Variants in GABRG3 observed in about 807,000 individuals in gnomAD.
GABRG3 encodes the protein gamma-aminobutyric acid type A receptor subunit gamma3.
A neutral mutation model predicts 48.8 loss-of-function variants in GABRG3; 25 were observed. The ratio of observed to expected loss-of-function variants is 0.51; its 90% CI spans 0.37 to 0.72. The LOEUF (loss-of-function observed/expected upper bound fraction) is 0.72. Ranked by LOEUF, GABRG3 falls within the 30% of genes least tolerant of loss-of-function variation. The probability of loss-of-function intolerance (pLI) is 0.00; values close to 1 mark genes in which losing one functional copy is unlikely to be tolerated. For missense variants in GABRG3, 394 were observed against 577.9 expected (o/e 0.68, Z 3.26); for synonymous variants, 227 against 217.6 (o/e 1.04, Z -0.38).
intron 5 of GABRG3, among the ~76,000 whole-genome samples, chr15:27,398,147 T>C (rs1887371787): frequency 6.6e-6 from 1 of 152,152 alleles, no homozygotes; most frequent in Non-Finnish European, 1.5e-5. Flanking sequence ...TTTATAAATG[T>C]GGGTCAAAGA....
At chr15:27,304,420 A>T (rs1892322111) in intron 3 of GABRG3, among the ~76,000 whole-genome samples, 1 of 151,986 alleles carries the variant, frequency 6.6e-6, no homozygotes, top group South Asian at 2.1e-4. Flanking sequence ...AAAAAAATCA[A>T]TTTATTATCT....
chr15:27,334,655 T>C (rs1454374406), intron 5 of GABRG3, among the ~76,000 whole-genome samples: 1 of 152,212 alleles, frequency 6.6e-6, no homozygotes, highest in Admixed American at 6.5e-5. Context: ...ATCATTACTC[T>C]ATCAAACAAC....
At chr15:27,191,204 A>C (rs1278739080) in intron 3 of GABRG3, among the ~76,000 whole-genome samples, 1 of 152,068 alleles carries the variant, frequency 6.6e-6, no homozygotes, top group Non-Finnish European at 1.5e-5. Flanking sequence ...TATTCTGTTG[A>C]TTTGGGGTGG....
At chr15:27,101,439 T>A (rs74006579) in intron 3 of GABRG3, among the ~76,000 whole-genome samples, 3,453 of 152,248 alleles carry the variant, frequency 0.023, 140 homozygotes, top group African/African-American at 0.08. Flanking sequence ...ACAAGCTTAT[T>A]TGAAAATTTT....
At chr15:27,197,416 T>G (rs1407329782) in intron 3 of GABRG3, among the ~76,000 whole-genome samples, 1 of 152,080 alleles carries the variant, frequency 6.6e-6, no homozygotes, top group African/African-American at 2.4e-5. Flanking sequence ...TTGAGAATAC[T>G]AATGGCACTC....
intron 5 of GABRG3, among the ~76,000 whole-genome samples, chr15:27,467,343 TG>T (rs527418676): frequency 1.3e-5 from 2 of 152,154 alleles, no homozygotes; most frequent in African/African-American, 4.8e-5. Context: ...TATGAATTTG[TG>T]GGGGGGACAC....
chr15:27,315,223 A>C (rs1400238425), intron 3 of GABRG3, among the ~76,000 whole-genome samples: 3 of 152,210 alleles, frequency 2.0e-5, no homozygotes, highest in Admixed American at 2.0e-4. Flanking sequence ...CAACATCTCT[A>C]AGTGATAACA....
chr15:27,497,263 ATACT>A (rs760358614), intron 6 of GABRG3, among the ~76,000 whole-genome samples: 10 of 152,190 alleles, frequency 6.6e-5, no homozygotes, highest in Non-Finnish European at 1.3e-4. Context: ...TCCTGATATA[ATACT>A]TCCTTCCTCT....
At chr15:27,269,170 C>T (rs1358539292) in intron 3 of GABRG3, among the ~76,000 whole-genome samples, 12 of 152,192 alleles carry the variant, frequency 7.9e-5, no homozygotes. Flanking sequence ...TGCCCCCTAA[C>T]CAATCTGTCA....
chr15:27,302,615 C>G (rs1892250597), intron 3 of GABRG3, among the ~76,000 whole-genome samples: 1 of 151,964 alleles, frequency 6.6e-6, no homozygotes, highest in South Asian at 2.1e-4. Context: ...ATAGAAAAAT[C>G]AGTCAGTGCC....
intron 5 of GABRG3, among the ~76,000 whole-genome samples, chr15:27,354,273 G>A (rs1894758979): frequency 6.6e-6 from 1 of 152,180 alleles, no homozygotes; most frequent in Non-Finnish European, 1.5e-5. Flanking sequence ...TATCACCATG[G>A]GAATGCTGCA....
intron 5 of GABRG3, among the ~76,000 whole-genome samples, chr15:27,386,866 A>T (rs1895938744): frequency 6.6e-6 from 1 of 152,232 alleles, no homozygotes; most frequent in African/African-American, 2.4e-5. Context: ...CTGCCACCAT[A>T]GATCACTTTG....
rs1434567411 is a variant in GABRG3 at position 27,537,558 on chromosome 15, G to T, written c.*4677G>T. ...TGACTTATGTTTTATTATAAAAATA[G>T]ATCTCTATCATTATAGGGATAAAAC... On this transcript the variant is annotated 3_prime_UTR_variant, in exon 10 of 10. Transcript: ENST00000615808. The T allele has an allele frequency of 6.6e-6, 1 of 152,138 alleles. No homozygotes were observed. The highest frequency in any genetic ancestry group is 1.9e-4 in the East Asian group (1 of 5,192). 9.4% of individuals were successfully genotyped at this position (152,138 alleles called of 1,614,324 possible).
chr15:27,068,243 A>G (rs1896771387), intron 3 of GABRG3, among the ~76,000 whole-genome samples: 1 of 152,252 alleles, frequency 6.6e-6, no homozygotes, highest in Admixed American at 6.5e-5. Context: ...GCTGCGAAGC[A>G]TAACCACTGC....
intron 6 of GABRG3, among the ~76,000 whole-genome samples, chr15:27,497,597 A>G (rs984615767): frequency 2.0e-5 from 3 of 152,202 alleles, no homozygotes; most frequent in Admixed American, 2.0e-4. Context: ...AAAAAGCTTA[A>G]ATGTGAAAAT....
At chr15:26,990,397 C>A (rs1286046113) in intron 2 of GABRG3, among the ~76,000 whole-genome samples, 2 of 152,098 alleles carry the variant, frequency 1.3e-5, no homozygotes, top group African/African-American at 2.4e-5. Context: ...TTCTCATATG[C>A]CTGTTTGCCA....
intron 5 of GABRG3, among the ~76,000 whole-genome samples, chr15:27,401,750 G>A (rs1887481398): frequency 6.6e-6 from 1 of 152,142 alleles, no homozygotes; most frequent in Non-Finnish European, 1.5e-5. Flanking sequence ...GATTCATAAA[G>A]CTTAAGATGA....
chr15:27,404,864 G>A (rs557762168), intron 5 of GABRG3, among the ~76,000 whole-genome samples: 4 of 152,322 alleles, frequency 2.6e-5, no homozygotes, highest in African/African-American at 9.6e-5. Context: ...TGTGGGATGC[G>A]GGAGGCATGT....
Position 27,144,038 on chromosome 15 carries a change from C to T in GABRG3, c.270+117217C>T, listed in dbSNP as rs151082067. On this transcript the variant is annotated intron_variant, in intron 3 of 9. Coordinates refer to ENST00000615808, the MANE Select transcript of GABRG3 (RefSeq NM_033223.5). ...CCTTATGAAATATTAAGAACCCTAA[C>T]AGTTGGTAAGAAGAATAGTAGAGTC... 3.2e-4 allele frequency among the ~76,000 whole-genome samples: 49 copies of T among 152,266 alleles called. No homozygotes were observed. In the East Asian group the frequency reaches 6.9e-3, roughly 22 times the overall value.
Sources: gnomAD v4.1 joint callset for allele counts (sites outside exome capture counted in the v4.1 genomes callset) on GRCh38, gnomAD v4.1.1 for gene constraint, MANE v1.5 for transcripts, NCBI Gene and HGNC (gene_info 2026-07-23, HGNC 2026-07-21) for gene names.